Variants in ATXN2L observed in about 807,000 individuals in gnomAD.
The protein encoded by ATXN2L is ataxin 2 like.
A neutral mutation model predicts 120.7 loss-of-function variants in ATXN2L; 24 were observed. The ratio of observed to expected loss-of-function variants is 0.20; its 90% CI spans 0.14 to 0.28. The LOEUF (loss-of-function observed/expected upper bound fraction) is 0.28, where lower values mean the gene tolerates loss of function less well. Ranked by LOEUF, ATXN2L falls within the 10% of genes least tolerant of loss-of-function variation. The probability of loss-of-function intolerance (pLI) is 1.00; values close to 1 mark genes in which losing one functional copy is unlikely to be tolerated. For synonymous variants in ATXN2L, 653 were observed against 568.1 expected (o/e 1.15, Z -2.13); for missense variants, 1,312 against 1,432.3 (o/e 0.92, Z 1.36).
At chr16:28,834,948 A>G (rs1298919794) in intron 18 of ATXN2L, 110 bp from the exon 19 acceptor site, 2 of 1,408,828 alleles carry the variant, frequency 1.4e-6, no homozygotes, top group East Asian at 2.3e-5. Context: ...ATGTTGAATC[A>G]ATAGGGTGAT....
intron 3 of ATXN2L, 41 bp downstream of exon 3, chr16:28,825,721 A>G (rs763997655): frequency 8.1e-6 from 13 of 1,613,026 alleles, no homozygotes; most frequent in Non-Finnish European, 1.0e-5. Flanking sequence ...AAGGAACGTA[A>G]TGCATCTACT....
chr16:28,830,161 A>T, intron 8 of ATXN2L, 103 bp downstream of exon 8: 1 of 1,182,834 alleles, frequency 8.5e-7, no homozygotes. Context: ...GTGACCATGT[A>T]AAATGTCATA....
intron 6 of ATXN2L, among the ~76,000 whole-genome samples, chr16:28,827,290 A>G (rs936839176): frequency 1.3e-5 from 2 of 152,090 alleles, no homozygotes; most frequent in African/African-American, 2.4e-5. Flanking sequence ...AAAAGCTATC[A>G]AGGTTTGGTG....
At chr16:28,830,518 G>C (rs1174058229) in intron 8 of ATXN2L, 97 bp from the exon 9 acceptor site, 1 of 1,197,788 alleles carries the variant, frequency 8.3e-7, no homozygotes. Context: ...GTGTATGTTT[G>C]GGGGCAGAAG....
chr16:28,830,151 G>A, intron 8 of ATXN2L, 93 bp downstream of exon 8: 1 of 1,273,056 alleles, frequency 7.9e-7, no homozygotes, highest in Non-Finnish European at 1.1e-6. Flanking sequence ...TTTAAGCCTT[G>A]TGACCATGTA....
At position 28,832,215 on chromosome 16, in the gene ATXN2L, G is replaced by A. The variant is rs1247059923; in HGVS notation, c.1332G>A (p.Met444Ile). 5 of 1,613,968 alleles carry A rather than the reference G, an allele frequency of 3.1e-6. No homozygotes were observed. In the Admixed American group the frequency reaches 5.0e-5, roughly 16 times the overall value. ...CCCCTTTTCTTCCAGTGGGCCGGAT[G>A]TATCCCCCGCGTTCTCCCAAGTCTG... ...SVPPPPAVGRMYPPRSPKSAA... is the reference protein window; with the variant it reads ...SVPPPPAVGRIYPPRSPKSAA... Residue 444 changes from methionine (M) to isoleucine (I), a missense_variant, in exon 11 of 22, where the codon ATG becomes ATA. By Grantham distance (10) the Met-to-Ile change is conservative. Coordinates refer to ENST00000336783, the MANE Select transcript of ATXN2L (RefSeq NM_007245.4).
At chr16:28,832,167 CA>C (rs1322921825) in intron 10 of ATXN2L, 37 bp from the exon 11 acceptor site, 1 of 1,609,772 alleles carries the variant, frequency 6.2e-7, no homozygotes, top group Non-Finnish European at 8.5e-7. Context: ...TGCTGTTGAC[CA>C]GCAGTAACCA....
Position 28,834,574 on chromosome 16 carries a change from G to T in ATXN2L, c.2314G>T (p.Ala772Ser), listed in dbSNP as rs780062969. The change falls in exon 18 of 22, where the codon GCG becomes TCG. Residue 772 changes from alanine to serine, a missense_variant. Coordinates refer to ENST00000336783, the MANE Select transcript of ATXN2L (RefSeq NM_007245.4). ...ASAPPMMQAAAAAGPPLVAAT... is the reference protein window; with the variant it reads ...ASAPPMMQAASAAGPPLVAAT... ...AGCCCCGCCGATGATGCAGGCCGCC[G>T]CGGCTGCTGGCCCGCCTCTGGTGGC... The T allele has an allele frequency of 6.2e-7, 1 of 1,612,722 alleles. No individual in the cohort carries two copies.
chr16:28,836,030 G>C lies in ATXN2L; in HGVS notation c.2993G>C (p.Gly998Ala). Residue 998 changes from glycine to alanine, a missense_variant, in exon 22 of 22, where the codon GGG (glycine) becomes GCG (alanine). Gly to Ala is a moderately conservative substitution (Grantham distance 60). Transcript: ENST00000336783. ...CTGCTGCACCCACCCCAGAGTCATGGGGGGCCCCCCCAAGGCGCGGTGCCC... is the reference window on the plus strand; with the variant it reads ...CTGCTGCACCCACCCCAGAGTCATGCGGGGCCCCCCCAAGGCGCGGTGCCC... ...VMLLHPPQSH[G>A]GPPQGAVPQS... is the part of the protein sequence containing the mutation. 1 of 1,591,836 alleles carries C rather than the reference G, an allele frequency of 6.3e-7. No homozygotes were observed. Among genetic ancestry groups the C allele is most frequent in the Non-Finnish European group, 8.6e-7 (1 of 1,167,276 alleles).
intron 4 of ATXN2L, 89 bp downstream of exon 4, chr16:28,825,930 C>T: frequency 8.0e-7 from 1 of 1,257,646 alleles, no homozygotes; most frequent in Admixed American, 1.8e-5. Flanking sequence ...TGGGTGATGT[C>T]AGAGTATGCC....
chr16:28,831,187 G>T (rs1047406606), intron 10 of ATXN2L, 115 bp downstream of exon 10: 1 of 798,296 alleles, frequency 1.3e-6, no homozygotes, highest in Non-Finnish European at 2.0e-6. Flanking sequence ...GATGTTTTGG[G>T]CATTTGGGAT....
At chr16:28,828,004 A>G (rs1199428269) in intron 6 of ATXN2L, among the ~76,000 whole-genome samples, 3 of 152,176 alleles carry the variant, frequency 2.0e-5, no homozygotes, top group South Asian at 2.1e-4. Context: ...CGAACTTCTC[A>G]TGGTTGTACG....
At chr16:28,825,960 C>T in intron 4 of ATXN2L, 119 bp downstream of exon 4, 1 of 1,053,926 alleles carries the variant, frequency 9.5e-7, no homozygotes, top group Non-Finnish European at 1.4e-6. Context: ...TTCTGTAGGC[C>T]TGTGCTGAAT....
chr16:28,832,668 A>G (rs1023795423), intron 12 of ATXN2L, 101 bp downstream of exon 12: 21 of 1,423,540 alleles, frequency 1.5e-5, no homozygotes, highest in East Asian at 9.1e-5. Context: ...AACAATGTCT[A>G]TCAGTCCTTG....
chr16:28,836,586 T>C lies in ATXN2L; in HGVS notation c.*321T>C. 1 of 1,572,668 alleles carries C rather than the reference T, an allele frequency of 6.4e-7. No individual in the cohort carries two copies. Among genetic ancestry groups the C allele is most frequent in the Non-Finnish European group, 8.6e-7 (1 of 1,162,582 alleles). ...TTACTGGGAAACAGCGATTGACCTG[T>C]GCTTCTGACAGCCCCCGAGACACCT... On this transcript the variant is annotated 3_prime_UTR_variant, in exon 22 of 22. Transcript: ENST00000336783.
In ATXN2L at chr16:28,830,076, C is replaced by T. The variant is rs962889790; in HGVS notation, c.1034+18C>T. 3.3e-5 allele frequency: 53 copies of T among 1,601,006 alleles called. No individual in the cohort carries two copies. The highest frequency in any genetic ancestry group is 4.5e-5 in the Non-Finnish European group (53 of 1,171,030). On this transcript the variant is annotated intron_variant, in intron 8 of 21. Coordinates refer to ENST00000336783, the MANE Select transcript of ATXN2L (RefSeq NM_007245.4). ...GCATCCAGGTGACTGTTGCAAACAG[C>T]CAGGACTACTTGGGGCTTCTGGGAA...
In ATXN2L at chr16:28,826,869, C is replaced by T; in HGVS notation, c.624C>T (p.Phe208=). 5 of 1,580,634 alleles carry T rather than the reference C, an allele frequency of 3.2e-6. No homozygotes were observed. The highest frequency in any genetic ancestry group is 1.1e-5 in the South Asian group (1 of 86,960). ...VDFNYATKDK[F]TDSAIAMNSK... is the part of the protein sequence containing the mutation. ...TCACCTCTGCCCCCACAGACAAGTTCACCGATTCAGCCATTGCCATGAACT... is the reference window on the plus strand; with the variant it reads ...TCACCTCTGCCCCCACAGACAAGTTTACCGATTCAGCCATTGCCATGAACT... Residue 208 remains phenylalanine (F), a synonymous_variant, in exon 6 of 22, where the codon TTC becomes TTT. Transcript: ENST00000336783.
rs1383442494 is a variant in ATXN2L, at chr16:28,835,177, A to C, written c.2553A>C (p.Gln851His). 6.2e-7 allele frequency: 1 copy of C among 1,611,856 alleles called. No individual in the cohort carries two copies. The change falls in exon 19 of 22, where the codon CAA becomes CAC. Residue 851 changes from glutamine to histidine, a missense_variant. By Grantham distance (24) the Gln-to-His change is conservative. Coordinates refer to ENST00000336783, the MANE Select transcript of ATXN2L (RefSeq NM_007245.4). ...QYPSAEQPTP[Q>H]ALYATVHQSY... ...CTTCTGCAGAGCAGCCTACCCCCCAAGCCCTTTATGGTGAGTCCTGCGCCT... is the reference window on the plus strand; with the variant it reads ...CTTCTGCAGAGCAGCCTACCCCCCACGCCCTTTATGGTGAGTCCTGCGCCT...
chr16:28,833,440 C>A lies in ATXN2L; in HGVS notation c.1957C>A (p.Gln653Lys). The change falls in exon 15 of 22, where the codon CAA (glutamine) becomes AAA (lysine). Residue 653 changes from glutamine (Q) to lysine (K), a missense_variant and splice_region_variant. Transcript: ENST00000336783. ...GATTTACTGTACTTTCTCTCACAGA[C>A]AAGTAAAGAAATCAACGTTGAACCC... Reference protein sequence around the residue: ...EDKDEGPVAEQVKKSTLNPNA... With the variant: ...EDKDEGPVAEKVKKSTLNPNA... 1 of 1,614,152 alleles carries A rather than the reference C, an allele frequency of 6.2e-7. No individual in the cohort carries two copies. The highest frequency in any genetic ancestry group is 8.5e-7 in the Non-Finnish European group (1 of 1,180,022).
Sources: allele counts gnomAD v4.1 joint callset (sites outside exome capture counted in the v4.1 genomes callset), GRCh38; gene constraint gnomAD v4.1.1; transcripts MANE v1.5; gene names NCBI Gene and HGNC (gene_info 2026-07-23, HGNC 2026-07-21).